The following ATP6V0A4 variants were observed in gnomAD, a reference collection of about 807,000 sequenced individuals.
ATP6V0A4 encodes the protein V-type proton ATPase 116 kDa subunit a 4.
Under a neutral mutation model 107.3 loss-of-function variants are expected in ATP6V0A4, and 86 were observed. The ratio of observed to expected loss-of-function variants is 0.80; its 90% CI spans 0.67 to 0.96. The LOEUF (loss-of-function observed/expected upper bound fraction) is 0.96, where lower values mean the gene tolerates loss of function less well. Ranked by LOEUF, ATP6V0A4 falls within the 40% of genes least tolerant of loss-of-function variation. The probability of loss-of-function intolerance (pLI) is 0.00; values close to 1 mark genes in which losing one functional copy is unlikely to be tolerated. For synonymous variants in ATP6V0A4, 353 were observed against 381.4 expected (o/e 0.93, Z 0.87); for missense variants, 908 against 1,045.6 (o/e 0.87, Z 1.81).
At chr7:138,730,538 AAACC>A (rs1804951877) in intron 17 of ATP6V0A4, among the ~76,000 whole-genome samples, 1 of 152,214 alleles carries the variant, frequency 6.6e-6, no homozygotes, top group Non-Finnish European at 1.5e-5. Context: ...GGGTGTGTGA[AAACC>A]AACCAACTCC....
chr7:138,716,946 C>G (rs1804072145), intron 19 of ATP6V0A4, among the ~76,000 whole-genome samples: 1 of 152,122 alleles, frequency 6.6e-6, no homozygotes, highest in South Asian at 2.1e-4. Context: ...GGTTCCCATG[C>G]CACACTCTGG....
chr7:138,711,786 A>G (rs1803756076), intron 20 of ATP6V0A4, among the ~76,000 whole-genome samples: 1 of 152,218 alleles, frequency 6.6e-6, no homozygotes, highest in Non-Finnish European at 1.5e-5. Context: ...TCACATACGC[A>G]GACTTTCACG....
chr7:138,766,754 C>G (rs1312302257), intron 5 of ATP6V0A4, among the ~76,000 whole-genome samples: 1 of 152,154 alleles, frequency 6.6e-6, no homozygotes, highest in Non-Finnish European at 1.5e-5. Context: ...AAACTAAACC[C>G]AGTTGGATGA....
intron 18 of ATP6V0A4, among the ~76,000 whole-genome samples, chr7:138,723,136 A>T (rs1804523935): frequency 6.6e-6 from 1 of 152,162 alleles, no homozygotes. Context: ...CATAATTCAA[A>T]CTCAGTTGCC....
chr7:138,756,572 G>T (rs763529829), intron 8 of ATP6V0A4, 32 bp from the exon 9 acceptor site: 8 of 1,601,006 alleles, frequency 5.0e-6, no homozygotes, highest in African/African-American at 1.3e-5. Flanking sequence ...AAAAAAAAGG[G>T]GGGGGTTTCT....
chr7:138,777,747 A>G (rs1245892966), intron 2 of ATP6V0A4, among the ~76,000 whole-genome samples: 1 of 152,186 alleles, frequency 6.6e-6, no homozygotes, highest in South Asian at 2.1e-4. Context: ...AAAACCCTGT[A>G]CAGTATATAT....
intron 5 of ATP6V0A4, among the ~76,000 whole-genome samples, chr7:138,763,716 T>C (rs914629533): frequency 6.6e-6 from 1 of 151,654 alleles, no homozygotes; most frequent in African/African-American, 2.4e-5. Context: ...CCAGGCACGG[T>C]GGCTCATCCT....
intron 11 of ATP6V0A4, among the ~76,000 whole-genome samples, chr7:138,750,718 C>G (rs1237669148): frequency 1.3e-5 from 2 of 152,222 alleles, no homozygotes; most frequent in African/African-American, 4.8e-5. Context: ...TCTGCGCATG[C>G]ATCACTTCCT....
chr7:138,750,922 G>A (rs949179619), intron 11 of ATP6V0A4, among the ~76,000 whole-genome samples: 1 of 152,012 alleles, frequency 6.6e-6, no homozygotes, highest in Non-Finnish European at 1.5e-5. Flanking sequence ...TTATCTGTAC[G>A]AAGGGGATAA....
intron 1 of ATP6V0A4, among the ~76,000 whole-genome samples, chr7:138,796,875 G>T (rs1461699999): frequency 6.6e-6 from 1 of 152,046 alleles, no homozygotes; most frequent in Non-Finnish European, 1.5e-5. Flanking sequence ...TATACATGTG[G>T]GTCTTCAATA....
At chr7:138,792,541 G>C (rs1808462559) in intron 1 of ATP6V0A4, among the ~76,000 whole-genome samples, 1 of 152,140 alleles carries the variant, frequency 6.6e-6, no homozygotes, top group Non-Finnish European at 1.5e-5. Flanking sequence ...AAAGAGAAAA[G>C]GAACATAAGC....
At chr7:138,761,831 G>A (rs1478097326) in intron 7 of ATP6V0A4, among the ~76,000 whole-genome samples, 4 of 151,936 alleles carry the variant, frequency 2.6e-5, no homozygotes, top group South Asian at 2.1e-4. Flanking sequence ...AGGCACGTGC[G>A]ACCATGCCTG....
intron 18 of ATP6V0A4, among the ~76,000 whole-genome samples, chr7:138,725,296 A>G (rs573276417): frequency 2.2e-4 from 33 of 152,120 alleles, no homozygotes; most frequent in African/African-American, 6.7e-4. Flanking sequence ...AAAAATTCAA[A>G]CCCATGTGCC....
At chr7:138,788,565 G>A (rs764494412) in intron 1 of ATP6V0A4, among the ~76,000 whole-genome samples, 1 of 152,152 alleles carries the variant, frequency 6.6e-6, no homozygotes, top group African/African-American at 2.4e-5. Context: ...AGCAGGACAG[G>A]TCAAATGCAG....
chr7:138,749,369 G>A (rs1414192868), intron 11 of ATP6V0A4, 52 bp from the exon 12 acceptor site: 8 of 1,595,262 alleles, frequency 5.0e-6, no homozygotes, highest in Non-Finnish European at 6.8e-6. Flanking sequence ...GTCTTGGGCT[G>A]GGTGTCAGCA....
At chr7:138,759,624 G>C (rs1806690428) in intron 8 of ATP6V0A4, 128 bp downstream of exon 8, 1 of 1,034,066 alleles carries the variant, frequency 9.7e-7, no homozygotes, top group Admixed American at 2.2e-5. Context: ...AGGAAAAAAA[G>C]GAGAAAAAAA....
chr7:138,761,142 C>G (rs1160768730), intron 7 of ATP6V0A4, among the ~76,000 whole-genome samples: 1 of 152,014 alleles, frequency 6.6e-6, no homozygotes, highest in East Asian at 1.9e-4. Context: ...AAAAATGTAT[C>G]CCGGGCAACA....
chr7:138,739,186 T>C (rs1414414856), intron 15 of ATP6V0A4, among the ~76,000 whole-genome samples: 3 of 152,028 alleles, frequency 2.0e-5, no homozygotes, highest in African/African-American at 7.3e-5. Flanking sequence ...TGCAAGAAAA[T>C]ACAAAGCAGG....
chr7:138,763,176 GACACACACAGAC>G (rs778968881), intron 5 of ATP6V0A4, 151 bp from the exon 6 acceptor site: 3,904 of 797,026 alleles, frequency 4.9e-3, no homozygotes, highest in Non-Finnish European at 5.6e-3. Flanking sequence ...GACACACACA[GACACACACAGAC>G]ACACACACAC....
Sources: allele counts gnomAD v4.1 joint callset (sites outside exome capture counted in the v4.1 genomes callset), GRCh38; gene constraint gnomAD v4.1.1; transcripts MANE v1.5; gene names NCBI Gene and HGNC (gene_info 2026-07-23, HGNC 2026-07-21).